The following MYB variants were observed in gnomAD, a reference collection of about 807,000 sequenced individuals.
The protein encoded by MYB is MYB proto-oncogene, transcription factor.
In MYB, 28 loss-of-function variants were observed where a neutral mutation model predicts 92.9. The observed-to-expected ratio is 0.30, with a 90% confidence interval of 0.22 to 0.41. The LOEUF (loss-of-function observed/expected upper bound fraction) is 0.41. MYB is among the 10% of genes least tolerant of loss of function. The pLI is 1.00. For missense variants in MYB, 679 were observed against 929.3 expected, an observed-to-expected ratio of 0.73 and a Z score of 3.50; for synonymous variants, 295 against 329.1, an observed-to-expected ratio of 0.90 and a Z score of 1.12.
At position 135,182,823 on chromosome 6, in the gene MYB, G is replaced by A. The variant is rs1049044723; in HGVS notation, c.23+1287G>A. 1.3e-5 allele frequency among the ~76,000 whole-genome samples: 2 copies of A among 152,060 alleles called. No homozygotes were observed. The highest frequency in any genetic ancestry group is 4.8e-5 in the African/African-American group (2 of 41,422). ...TGGAGACCCTGCAGCAGCACCCGCG[G>A]GCTGGGCTGGGCGGGGAGCAGCGCC... is the stretch of plus-strand genomic sequence containing the variant. On this transcript the variant is annotated intron_variant, in intron 1 of 15. Transcript: ENST00000341911. The surrounding 1 kb of genome is among the most constrained non-coding windows in gnomAD (Gnocchi z 5.6).
In MYB at chr6:135,182,997, G is replaced by A. The variant is rs976652020; in HGVS notation, c.23+1461G>A. 6.7e-6 allele frequency among the ~76,000 whole-genome samples: 1 copy of A among 148,496 alleles called. No homozygotes were observed. The highest frequency in any genetic ancestry group is 2.2e-4 in the South Asian group (1 of 4,642). On this transcript the variant is annotated intron_variant, in intron 1 of 15. Transcript: ENST00000341911. The surrounding 1 kb of genome is among the most constrained non-coding windows in gnomAD (Gnocchi z 5.6). The stretch of plus-strand genomic sequence containing the variant: ...TTAGGACTTCACAGGACAGCTACCG[G>A]GGTCATCTGTTTTTTTTTTTTTTTT...
Position 135,192,453 on chromosome 6 carries a change from T to C in MYB, c.657T>C (p.His219=), listed in dbSNP as rs772221011. The C allele has an allele frequency of 6.2e-7, 1 of 1,614,226 alleles. No homozygotes were observed. Among genetic ancestry groups the C allele is most frequent in the Non-Finnish European group, 8.5e-7 (1 of 1,180,030 alleles). The change falls in exon 6 of 16, where the codon CAT becomes CAC. Residue 219 remains histidine (H), a synonymous_variant. Coordinates refer to ENST00000341911, the MANE Select transcript of MYB (RefSeq NM_001130173.2). ...AVATSFQKNS[H]LMGFAQAPPT... is the part of the protein sequence containing the mutation. ...CCACAAGCTTCCAGAAGAACAGTCATTTGATGGGTTTTGCTCAGGCTCCGC... is the reference window on the plus strand; with the variant it reads ...CCACAAGCTTCCAGAAGAACAGTCACTTGATGGGTTTTGCTCAGGCTCCGC...
At chr6:135,203,725 G>T in intron 15 of MYB, 1 of 1,382,032 alleles carries the variant, frequency 7.2e-7, no homozygotes. Context: ...GGCAACCAAA[G>T]CTCAGAGACT....
chr6:135,187,206 A>C (rs1180069147), intron 2 of MYB, among the ~76,000 whole-genome samples: 3 of 152,220 alleles, frequency 2.0e-5, no homozygotes, highest in African/African-American at 7.2e-5. Flanking sequence ...GGAAATGTTT[A>C]ATGTCTTTTA....
Position 135,182,097 on chromosome 6 carries a change from G to A in MYB, c.23+561G>A, listed in dbSNP as rs566127890. Among the ~76,000 whole-genome samples, 8 of 152,264 alleles carry A rather than the reference G, an allele frequency of 5.3e-5. No homozygotes were observed. The highest frequency in any genetic ancestry group is 1.9e-4 in the African/African-American group (8 of 41,540). On this transcript the variant is annotated intron_variant, in intron 1 of 15. Coordinates refer to ENST00000341911, the MANE Select transcript of MYB (RefSeq NM_001130173.2). The surrounding 1 kb of genome is among the most constrained non-coding windows in gnomAD (Gnocchi z 5.6). ...AAAGCAGATTTTAGGGGGATAAAGG[G>A]GTCTCTACTTTTGCAAATTGTCTTA...
Position 135,182,088 on chromosome 6 carries a change from G to A in MYB, c.23+552G>A, listed in dbSNP as rs1226614631. On this transcript the variant is annotated intron_variant, in intron 1 of 15. Coordinates refer to ENST00000341911, the MANE Select transcript of MYB (RefSeq NM_001130173.2). The surrounding 1 kb of genome is among the most constrained non-coding windows in gnomAD (Gnocchi z 5.6). ...GGCGGCTGAAAAGCAGATTTTAGGG[G>A]GATAAAGGGGTCTCTACTTTTGCAA... Among the ~76,000 whole-genome samples the A allele has an allele frequency of 6.6e-6, 1 of 152,212 alleles. No individual in the cohort carries two copies. Among genetic ancestry groups the A allele is most frequent in the Admixed American group, 6.5e-5 (1 of 15,284 alleles).
chr6:135,184,322 C>CTTTTTTTTTTTTTTTTTTTTTTTTT, intron 1 of MYB, among the ~76,000 whole-genome samples: 1 of 68,402 alleles, frequency 1.5e-5, no homozygotes, highest in Non-Finnish European at 2.8e-5. Flanking sequence ...GGCTTTATAG[C>CTTTTTTTTTTTTTTTTTTTTTTTTT]TTTTTTTTTT....
Position 135,192,567 on chromosome 6 carries a change from T to C in MYB, c.762+9T>C, listed in dbSNP as rs1776750240. The C allele has an allele frequency of 6.2e-7, 1 of 1,609,546 alleles. No individual in the cohort carries two copies. Among genetic ancestry groups the C allele is most frequent in the Non-Finnish European group, 8.5e-7 (1 of 1,175,844 alleles). ...TTTCTGAAGCACAAAATGTAAGCCA[T>C]TCCTGTGAATCTAGTTTAATGAGAG... On this transcript the variant is annotated intron_variant, in intron 6 of 15. Coordinates refer to ENST00000341911, the MANE Select transcript of MYB (RefSeq NM_001130173.2).
intron 15 of MYB, among the ~76,000 whole-genome samples, chr6:135,214,020 C>G (rs1780091500): frequency 6.6e-6 from 1 of 152,164 alleles, no homozygotes; most frequent in Non-Finnish European, 1.5e-5. Context: ...TATCCTTAAT[C>G]CTAACCCTAT....
intron 8 of MYB, chr6:135,195,520 A>T (rs1359882243): frequency 1.9e-6 from 1 of 521,166 alleles, no homozygotes; most frequent in African/African-American, 1.9e-5. Flanking sequence ...TTACAAAATG[A>T]TAACAAGGTA....
At position 135,203,257 on chromosome 6, in the gene MYB, A is replaced by C. The variant is rs777345988; in HGVS notation, c.2102A>C (p.Glu701Ala). Residue 701 changes from glutamate to alanine, a missense_variant, in exon 15 of 16, where the codon GAA (glutamate) becomes GCA (alanine). This residue lies in a region of MYB where 402 missense variants were observed against 434.2 expected (regional missense o/e 0.93). Coordinates refer to ENST00000341911, the MANE Select transcript of MYB (RefSeq NM_001130173.2). ...TSSVLMAPAS[E>A]DEDNVLKAFT... ...TCCGTTTTAATGGCACCAGCATCAG[A>C]AGATGAAGACAATGTTCTCAAAGCA... 6.2e-7 allele frequency: 1 copy of C among 1,611,828 alleles called. No homozygotes were observed. The highest frequency in any genetic ancestry group is 2.2e-5 in the East Asian group (1 of 44,866).
intron 2 of MYB, 148 bp downstream of exon 2, chr6:135,186,168 C>T (rs899007375): frequency 9.6e-6 from 6 of 625,570 alleles, no homozygotes; most frequent in East Asian, 5.5e-5. Flanking sequence ...TGCCCTATGC[C>T]CCCCACTTCA....
chr6:135,200,547 G>A (rs561689423), intron 13 of MYB, 132 bp downstream of exon 13: 4 of 1,356,044 alleles, frequency 2.9e-6, no homozygotes, highest in East Asian at 2.4e-5. Flanking sequence ...CATACAAGGT[G>A]CAGCGAAAAG....
At position 135,190,498 on chromosome 6, in the gene MYB, A is replaced by G; in HGVS notation, c.527+151A>G. Reference sequence around the variant, plus strand: ...GCTACATAGCTTTTAGAGATTGAAGACATCTTAGAGTTTATTTGGTTGAGA... The same window carrying G: ...GCTACATAGCTTTTAGAGATTGAAGGCATCTTAGAGTTTATTTGGTTGAGA... On this transcript the variant is annotated intron_variant, in intron 5 of 15. Coordinates refer to ENST00000341911, the MANE Select transcript of MYB (RefSeq NM_001130173.2). The surrounding 1 kb of genome is among the most constrained non-coding windows in gnomAD (Gnocchi z 4.5). The G allele has an allele frequency of 1.5e-6, 1 of 686,832 alleles. No homozygotes were observed. The allele number at this position is 686,832 out of a possible 1,614,324, so 42.5% of individuals were successfully genotyped here.
Position 135,181,403 on chromosome 6 carries a change from C to A in MYB, c.-111C>A, listed in dbSNP as rs562716178. 10 of 714,448 alleles carry A rather than the reference C, an allele frequency of 1.4e-5. No individual in the cohort carries two copies. Among genetic ancestry groups the A allele is most frequent in the South Asian group, 5.2e-5 (1 of 19,376 alleles). 44.3% of individuals were successfully genotyped at this position (714,448 alleles called of 1,614,324 possible). A position where few individuals can be genotyped will look rare whatever the true frequency, so the allele number is the denominator to read the frequency against. Reference sequence around the variant, plus strand: ...CCTGAGAAACTTCGCCCCAGCGGTGCGGAGCGCCGCTGCGCAGCCGGGGAG... The same window carrying A: ...CCTGAGAAACTTCGCCCCAGCGGTGAGGAGCGCCGCTGCGCAGCCGGGGAG... On this transcript the variant is annotated 5_prime_UTR_variant, in exon 1 of 16. Coordinates refer to ENST00000341911, the MANE Select transcript of MYB (RefSeq NM_001130173.2). The surrounding 1 kb of genome is among the most constrained non-coding windows in gnomAD (Gnocchi z 5.3).
At chr6:135,200,032 T>C (rs751557345) in intron 11 of MYB, 53 bp from the exon 12 acceptor site, 15 of 1,340,144 alleles carry the variant, frequency 1.1e-5, no homozygotes, top group South Asian at 5.9e-5. Context: ...GGTAAAGCCA[T>C]GTAGGGACAT....
At chr6:135,211,284 G>C (rs1394072828) in intron 15 of MYB, among the ~76,000 whole-genome samples, 1 of 150,772 alleles carries the variant, frequency 6.6e-6, no homozygotes, top group African/African-American at 2.5e-5. Context: ...AGAAATTCAC[G>C]TGGCTGTCAG....
chr6:135,183,111 T>A (rs1583225667), intron 1 of MYB, among the ~76,000 whole-genome samples: 1 of 138,682 alleles, frequency 7.2e-6, no homozygotes, highest in Non-Finnish European at 1.5e-5. Flanking sequence ...CGCCCCGAGG[T>A]CTCGGCCGCC....
At chr6:135,201,849 T>C (rs1778142288) in intron 14 of MYB, 100 bp downstream of exon 14, 2 of 495,486 alleles carry the variant, frequency 4.0e-6, no homozygotes, top group East Asian at 6.8e-5. Flanking sequence ...GCACTCCCTC[T>C]TTAACACATC....
Sources: allele counts gnomAD v4.1 joint callset (sites outside exome capture counted in the v4.1 genomes callset), GRCh38; gene constraint gnomAD v4.1.1; regional missense constraint gnomAD v4.1.1; non-coding constraint Gnocchi (gnomAD v3.1); transcripts MANE v1.5; gene names NCBI Gene and HGNC (gene_info 2026-07-23, HGNC 2026-07-21).